The following DOK6 variants were observed in gnomAD, a reference collection of about 807,000 sequenced individuals.
DOK6 encodes downstream of tyrosine kinase 6.
A neutral mutation model predicts 44.0 loss-of-function variants in DOK6; 22 were observed. The ratio of observed to expected loss-of-function variants is 0.50; its 90% CI spans 0.36 to 0.71. The LOEUF is 0.71. DOK6 is among the 30% of genes least tolerant of loss of function. DOK6 has a pLI of 0.00. For missense variants in DOK6, 340 were observed against 416.4 expected, an observed-to-expected ratio of 0.82 and a Z score of 1.60; for synonymous variants, 166 against 145.5, an observed-to-expected ratio of 1.14 and a Z score of -1.01.
intron 1 of DOK6, among the ~76,000 whole-genome samples, chr18:69,495,197 A>G (rs562769988): frequency 3.8e-4 from 58 of 152,316 alleles, no homozygotes; most frequent in Non-Finnish European, 6.8e-4. Context: ...AGGAAATGCA[A>G]AGCCCCAAAG....
At chr18:69,490,979 A>T (rs1460965427) in intron 1 of DOK6, among the ~76,000 whole-genome samples, 2 of 152,214 alleles carry the variant, frequency 1.3e-5, no homozygotes, top group African/African-American at 4.8e-5. Flanking sequence ...GTCCCTGAGC[A>T]TTTGCTGCCG....
chr18:69,566,192 C>T (rs1023787430), intron 2 of DOK6, among the ~76,000 whole-genome samples: 1 of 152,046 alleles, frequency 6.6e-6, no homozygotes, highest in Non-Finnish European at 1.5e-5. Flanking sequence ...GGCTGGAATG[C>T]AGTGGCGCGA....
At chr18:69,406,951 A>G (rs1285836422) in intron 1 of DOK6, among the ~76,000 whole-genome samples, 1 of 152,080 alleles carries the variant, frequency 6.6e-6, no homozygotes, top group Non-Finnish European at 1.5e-5. Context: ...TGCAGAGGCC[A>G]GCGCCTGTAA....
intron 1 of DOK6, among the ~76,000 whole-genome samples, chr18:69,543,139 GT>G (rs201546503): frequency 0.031 from 4,648 of 151,512 alleles, 239 homozygotes; most frequent in Non-Finnish European, 0.045. Flanking sequence ...AAAGTAAGTT[GT>G]AAACCCTTTT....
At chr18:69,507,831 T>C (rs1040135459) in intron 1 of DOK6, among the ~76,000 whole-genome samples, 1 of 152,144 alleles carries the variant, frequency 6.6e-6, no homozygotes, top group Non-Finnish European at 1.5e-5. Context: ...GTCTTTCCAG[T>C]CATTATGCCT....
At chr18:69,811,533 T>C (rs890959352) in intron 7 of DOK6, among the ~76,000 whole-genome samples, 512 of 15,756 alleles carry the variant, frequency 0.032, 9 homozygotes, top group African/African-American at 0.058. Context: ...ATTATATATA[T>C]ATATATATAT....
intron 1 of DOK6, among the ~76,000 whole-genome samples, chr18:69,475,170 C>T (rs1298462103): frequency 1.3e-5 from 2 of 152,052 alleles, no homozygotes; most frequent in African/African-American, 4.8e-5. Flanking sequence ...ACAGAATAAG[C>T]ATTTGTATAA....
intron 3 of DOK6, among the ~76,000 whole-genome samples, chr18:69,632,702 G>T (rs1159903289): frequency 1.3e-5 from 2 of 152,130 alleles, no homozygotes; most frequent in African/African-American, 4.8e-5. Context: ...AATTTCAGTA[G>T]CCACTTTTCA....
chr18:69,746,368 G>A lies in DOK6; in HGVS notation c.738+7265G>A, dbSNP rs180922553. Among the ~76,000 whole-genome samples, 167 of 152,030 alleles carry A rather than the reference G, an allele frequency of 1.1e-3. 2 individuals carry two copies. The highest frequency in any genetic ancestry group is 2.9e-3 in the Admixed American group (45 of 15,260). On this transcript the variant is annotated intron_variant, in intron 6 of 7. Transcript: ENST00000382713. ...TACCTCCTAGTTTCAAGCAATTCTC[G>A]TGCCTCAGCCTCCCCAGTAGCTAGA...
At chr18:69,562,973 A>G (rs1982874284) in intron 1 of DOK6, among the ~76,000 whole-genome samples, 1 of 152,222 alleles carries the variant, frequency 6.6e-6, no homozygotes, top group Non-Finnish European at 1.5e-5. Context: ...AAACCACCCC[A>G]TCAAAAAGTG....
chr18:69,581,904 C>G (rs1488134225), intron 2 of DOK6, among the ~76,000 whole-genome samples: 1 of 152,082 alleles, frequency 6.6e-6, no homozygotes, highest in East Asian at 1.9e-4. Context: ...TTTGTGGCCA[C>G]GAGGAAACAA....
At chr18:69,484,532 A>G (rs1599153152) in intron 1 of DOK6, among the ~76,000 whole-genome samples, 2 of 152,316 alleles carry the variant, frequency 1.3e-5, no homozygotes, top group East Asian at 3.9e-4. Context: ...AAGCTTTGTC[A>G]TCAAGTAATA....
chr18:69,546,161 C>A (rs1982398119), intron 1 of DOK6, among the ~76,000 whole-genome samples: 1 of 150,778 alleles, frequency 6.6e-6, no homozygotes, highest in South Asian at 2.1e-4. Context: ...CCTGTAATCC[C>A]AGCTACTTGG....
intron 4 of DOK6, among the ~76,000 whole-genome samples, chr18:69,679,748 A>T (rs774731016): frequency 6.6e-6 from 1 of 152,218 alleles, no homozygotes; most frequent in Non-Finnish European, 1.5e-5. Context: ...ATTTGGAGAT[A>T]TATATGGTTT....
intron 1 of DOK6, among the ~76,000 whole-genome samples, chr18:69,558,609 T>C (rs997001211): frequency 6.6e-6 from 1 of 152,172 alleles, no homozygotes; most frequent in Non-Finnish European, 1.5e-5. Context: ...TTTATTAGAC[T>C]TTTAAAATAT....
At chr18:69,790,916 A>C in intron 7 of DOK6, among the ~76,000 whole-genome samples, 2 of 150,380 alleles carry the variant, frequency 1.3e-5, no homozygotes, top group African/African-American at 2.5e-5. Flanking sequence ...CCCATTAACC[A>C]TCCCACCCCT....
At chr18:69,672,469 C>CT (rs1985821225) in intron 3 of DOK6, among the ~76,000 whole-genome samples, 1 of 152,242 alleles carries the variant, frequency 6.6e-6, no homozygotes, top group Non-Finnish European at 1.5e-5. Context: ...AGGGATTCTC[C>CT]TGTCTCAGAC....
At chr18:69,748,332 A>T (rs1044907600) in intron 6 of DOK6, among the ~76,000 whole-genome samples, 3 of 152,146 alleles carry the variant, frequency 2.0e-5, no homozygotes, top group African/African-American at 7.2e-5. Flanking sequence ...TAGACAGATC[A>T]CCGAGACAGA....
rs148575591 is a variant in DOK6 at position 69,590,426 on chromosome 18, G to A, written c.175-8958G>A. Among the ~76,000 whole-genome samples, 1,326 of 152,220 alleles carry A rather than the reference G, an allele frequency of 8.7e-3. 8 individuals are homozygous for A. Among genetic ancestry groups the A allele is most frequent in the South Asian group, 0.012 (57 of 4,832 alleles). On this transcript the variant is annotated intron_variant, in intron 2 of 7. Coordinates refer to ENST00000382713, the MANE Select transcript of DOK6 (RefSeq NM_152721.6). ...TTGTTAGTTTGATAGAAATATGCGA[G>A]ATCAGCATACTCCAAGTGGATTATT... is the stretch of plus-strand genomic sequence containing the variant.
Sources: allele counts gnomAD v4.1 joint callset (sites outside exome capture counted in the v4.1 genomes callset), GRCh38; gene constraint gnomAD v4.1.1; transcripts MANE v1.5; gene names NCBI Gene and HGNC (gene_info 2026-07-23, HGNC 2026-07-21).